ZNF316: variants seen among roughly 807,000 people sequenced by gnomAD.
ZNF316 encodes the protein zinc finger protein 316.
Under a neutral mutation model 75.6 loss-of-function variants are expected in ZNF316, and 23 were observed. The ratio of observed to expected loss-of-function variants is 0.30; its 90% CI spans 0.22 to 0.43. The LOEUF is 0.43. Among genes scored for constraint, ZNF316 ranks in the 20% least tolerant of loss-of-function variants. The pLI, the probability that ZNF316 is intolerant of heterozygous loss-of-function variation, is 1.00. For synonymous variants in ZNF316, 827 were observed against 666.2 expected (o/e 1.24, Z -3.72); for missense variants, 1,266 against 1,409.4 (o/e 0.90, Z 1.63).
intron 8 of ZNF316, among the ~76,000 whole-genome samples, chr7:6,652,033 G>C (rs771061368): frequency 2.0e-5 from 3 of 152,186 alleles, no homozygotes; most frequent in Non-Finnish European, 4.4e-5. Flanking sequence ...TTGGACGGGA[G>C]CCCTGGCTTT....
Position 6,640,682 on chromosome 7 carries a change from C to G in ZNF316, c.-166-1143C>G, listed in dbSNP as rs2115306400. On this transcript the variant is annotated intron_variant, in intron 3 of 8. Coordinates refer to ENST00000382252, the MANE Select transcript of ZNF316 (RefSeq NM_001278559.2). This position sits in a 1 kb window ranked among gnomAD's most constrained non-coding sequence, Gnocchi z 5.1. ...TCACGCTGAAGCATGATTTCCAGTG[C>G]TGGAGGCGGGCCTGCTGGGAGGTGA... 6.6e-6 allele frequency among the ~76,000 whole-genome samples: 1 copy of G among 152,290 alleles called. No homozygotes were observed. Among genetic ancestry groups the G allele is most frequent in the African/African-American group, 2.4e-5 (1 of 41,578 alleles).
Position 6,652,894 on chromosome 7 carries a change from T to C in ZNF316, c.1298T>C (p.Phe433Ser). 2 of 1,238,958 alleles carry C rather than the reference T, an allele frequency of 1.6e-6. No homozygotes were observed. Among genetic ancestry groups the C allele is most frequent in the Non-Finnish European group, 2.0e-6 (2 of 990,988 alleles). 76.7% of individuals were successfully genotyped at this position (1,238,958 alleles called of 1,614,324 possible). Reference protein sequence around the residue: ...HTGERPYRCAFCGAGFGRRSY... With the variant: ...HTGERPYRCASCGAGFGRRSY... ...GGCGAGCGGCCCTACCGCTGCGCCT[T>C]CTGCGGCGCGGGCTTCGGGCGCCGC... is the stretch of plus-strand genomic sequence containing the variant. Residue 433 changes from phenylalanine to serine, a missense_variant, in exon 9 of 9, where the codon TTC (phenylalanine) becomes TCC (serine). Transcript: ENST00000382252.
chr7:6,652,753 C>T lies in ZNF316; in HGVS notation c.1157C>T (p.Ser386Leu). 1 of 1,260,798 alleles carries T rather than the reference C, an allele frequency of 7.9e-7. No individual in the cohort carries two copies. Among genetic ancestry groups the T allele is most frequent in the Non-Finnish European group, 1.0e-6 (1 of 1,002,580 alleles). The allele number at this position is 1,260,798 out of a possible 1,614,324, so 78.1% of individuals were successfully genotyped here. ...EECGKGFVYRSHLAIHQRTHT... is the reference protein window; with the variant it reads ...EECGKGFVYRLHLAIHQRTHT... The stretch of plus-strand genomic sequence containing the variant: ...TGCGGCAAGGGCTTCGTGTACCGCT[C>T]GCACTTGGCCATCCACCAGCGCACG... Residue 386 changes from serine (S) to leucine (L), a missense_variant, in exon 9 of 9, where the codon TCG becomes TTG. By Grantham distance (145) the Ser-to-Leu change is moderately radical. This residue lies in a region of ZNF316 where 961 missense variants were observed against 990.9 expected (regional missense o/e 0.97). Coordinates refer to ENST00000382252, the MANE Select transcript of ZNF316 (RefSeq NM_001278559.2).
intron 8 of ZNF316, among the ~76,000 whole-genome samples, chr7:6,650,410 T>C (rs1234651446): frequency 6.6e-6 from 1 of 152,248 alleles, no homozygotes; most frequent in African/African-American, 2.4e-5. Flanking sequence ...TAAAGTATCA[T>C]GAAATGTGAA....
chr7:6,657,675 T>A lies in ZNF316; in HGVS notation c.*3064T>A, dbSNP rs536227705. On this transcript the variant is annotated 3_prime_UTR_variant, in exon 9 of 9. Coordinates refer to ENST00000382252, the MANE Select transcript of ZNF316 (RefSeq NM_001278559.2). ...AGCTGGGACAACACGGCAAAACTCT[T>A]GTCTCTATAAAAAATACAAAAATTA... 2.0e-5 allele frequency among the ~76,000 whole-genome samples: 3 copies of A among 151,880 alleles called. No homozygotes were observed. The East Asian group carries it at 5.8e-4, about 29-fold the overall frequency.
rs1779540862 is a variant in ZNF316 at position 6,653,067 on chromosome 7, G to C, written c.1471G>C (p.Gly491Arg). The change falls in exon 9 of 9, where the codon GGC (glycine) becomes CGC (arginine). Residue 491 changes from glycine to arginine, a missense_variant. Physicochemically the swap from Gly to Arg is moderately radical, Grantham distance 125. Coordinates refer to ENST00000382252, the MANE Select transcript of ZNF316 (RefSeq NM_001278559.2). ...CCGCCCGCACTGCTGTCCCGACTGC[G>C]GCCAGGCCTTCCGCCTGCGCGCCGA... ...ADRPHCCPDC[G>R]QAFRLRADFQ... is the part of the protein sequence containing the mutation. 1.7e-6 allele frequency: 2 copies of C among 1,210,522 alleles called. No homozygotes were observed. Among genetic ancestry groups the C allele is most frequent in the Non-Finnish European group, 2.1e-6 (2 of 974,882 alleles). The allele number at this position is 1,210,522 out of a possible 1,614,324, so 75.0% of individuals were successfully genotyped here.
Position 6,640,046 on chromosome 7 carries a change from G to A in ZNF316, c.-167+905G>A, listed in dbSNP as rs1779284936. On this transcript the variant is annotated intron_variant, in intron 3 of 8. Coordinates refer to ENST00000382252, the MANE Select transcript of ZNF316 (RefSeq NM_001278559.2). The surrounding 1 kb of genome is among the most constrained non-coding windows in gnomAD (Gnocchi z 5.1). ...GGGGCTGGAGCCAGTCAGGGGGCACGTGTGACCTTCGGGACAGAGGTGGCT... is the reference window on the plus strand; with the variant it reads ...GGGGCTGGAGCCAGTCAGGGGGCACATGTGACCTTCGGGACAGAGGTGGCT... Among the ~76,000 whole-genome samples the A allele has an allele frequency of 6.6e-6, 1 of 152,190 alleles. No homozygotes were observed. Among genetic ancestry groups the A allele is most frequent in the Non-Finnish European group, 1.5e-5 (1 of 68,040 alleles).
chr7:6,643,682 G>A, intron 6 of ZNF316, 140 bp from the exon 7 acceptor site: 1 of 733,414 alleles, frequency 1.4e-6, no homozygotes, highest in East Asian at 3.4e-5. Context: ...CAGGGCTGTG[G>A]CAAGGCCTGA....
intron 8 of ZNF316, among the ~76,000 whole-genome samples, chr7:6,645,044 C>T (rs543709118): frequency 2.4e-4 from 37 of 152,224 alleles, no homozygotes; most frequent in Non-Finnish European, 2.6e-4. Flanking sequence ...GGACTCTGAC[C>T]GGGATGGGCA....
chr7:6,648,167 G>A (rs1311505444), intron 8 of ZNF316, among the ~76,000 whole-genome samples: 1 of 152,114 alleles, frequency 6.6e-6, no homozygotes, highest in East Asian at 1.9e-4. Flanking sequence ...AGGGCCTGAG[G>A]GCCTTGGCAC....
chr7:6,654,565 C>T lies in ZNF316; in HGVS notation c.2969C>T (p.Ala990Val). 3.4e-6 allele frequency: 4 copies of T among 1,187,778 alleles called. No homozygotes were observed. The highest frequency in any genetic ancestry group is 4.2e-6 in the Non-Finnish European group (4 of 959,770). 73.6% of individuals were successfully genotyped at this position (1,187,778 alleles called of 1,614,324 possible). Residue 990 changes from alanine to valine, a missense_variant, in exon 9 of 9, where the codon GCC becomes GTC. By Grantham distance (64) the Ala-to-Val change is moderately conservative. Around this residue, in one of 3 missense-constraint regions of ZNF316, gnomAD observed 111 missense variants for 99.2 expected, o/e 1.12. Transcript: ENST00000382252. Reference sequence around the variant, plus strand: ...ACAAGCTTCGGCTCCGAGCACCAGGCCGCGTTCGCCGGGCCCTCGGGCGCC... The same window carrying T: ...ACAAGCTTCGGCTCCGAGCACCAGGTCGCGTTCGCCGGGCCCTCGGGCGCC... ...GGTSFGSEHQAAFAGPSGAYR... is the reference protein window; with the variant it reads ...GGTSFGSEHQVAFAGPSGAYR...
chr7:6,643,666 G>T (rs989935498), intron 6 of ZNF316, among the ~76,000 whole-genome samples, 156 bp from the exon 7 acceptor site: 1 of 152,192 alleles, frequency 6.6e-6, no homozygotes, highest in Non-Finnish European at 1.5e-5. Flanking sequence ...TCTGGTCCTT[G>T]CTTTCCAGGG....
At chr7:6,651,690 G>T (rs769689739) in intron 8 of ZNF316, among the ~76,000 whole-genome samples, 3 of 152,108 alleles carry the variant, frequency 2.0e-5, no homozygotes, top group Admixed American at 6.6e-5. Flanking sequence ...TTGAACCCAC[G>T]AGGTGGAGGT....
At chr7:6,645,190 G>A (rs560038484) in intron 8 of ZNF316, among the ~76,000 whole-genome samples, 1 of 152,342 alleles carries the variant, frequency 6.6e-6, no homozygotes, top group South Asian at 2.1e-4. Flanking sequence ...TTCATCTGAA[G>A]AAATTGAACT....
rs1779355199 is a variant in ZNF316 at position 6,643,967 on chromosome 7, G to A, written c.592+19G>A. The A allele has an allele frequency of 8.1e-7, 1 of 1,232,252 alleles. No homozygotes were observed. 76.3% of individuals were successfully genotyped at this position (1,232,252 alleles called of 1,614,324 possible). A position where few individuals can be genotyped will look rare whatever the true frequency, so the allele number is the denominator to read the frequency against. On this transcript the variant is annotated intron_variant, in intron 7 of 8. Transcript: ENST00000382252. ...TCCTTGGGTAAGGACGGGACCTTTTGTCCCCAAGAGGCAGCCTGGTGTGAT... is the reference window on the plus strand; with the variant it reads ...TCCTTGGGTAAGGACGGGACCTTTTATCCCCAAGAGGCAGCCTGGTGTGAT...
At chr7:6,638,787 GGATT>G (rs1392571824) in intron 2 of ZNF316, among the ~76,000 whole-genome samples, 9 of 152,150 alleles carry the variant, frequency 5.9e-5, no homozygotes, top group African/African-American at 2.2e-4. Context: ...CTCTGGTTTG[GGATT>G]GATGCTGATG....
intron 8 of ZNF316, among the ~76,000 whole-genome samples, chr7:6,644,907 G>T (rs1779372442): frequency 6.6e-6 from 1 of 152,228 alleles, no homozygotes. Flanking sequence ...CAGGAGCCCA[G>T]CACGCCATCG....
At chr7:6,648,043 G>A (rs994730094) in intron 8 of ZNF316, among the ~76,000 whole-genome samples, 3 of 152,216 alleles carry the variant, frequency 2.0e-5, no homozygotes, top group African/African-American at 7.2e-5. Context: ...TTAAACCAGG[G>A]CCTGGGGACA....
At chr7:6,646,879 C>T (rs1427444610) in intron 8 of ZNF316, among the ~76,000 whole-genome samples, 1 of 152,138 alleles carries the variant, frequency 6.6e-6, no homozygotes, top group Non-Finnish European at 1.5e-5. Context: ...TGAGTTGGGC[C>T]ACACATGACA....
Sources: allele counts gnomAD v4.1 joint callset (sites outside exome capture counted in the v4.1 genomes callset), GRCh38; gene constraint gnomAD v4.1.1; regional missense constraint gnomAD v4.1.1; non-coding constraint Gnocchi (gnomAD v3.1); transcripts MANE v1.5; gene names NCBI Gene and HGNC (gene_info 2026-07-23, HGNC 2026-07-21).